Variants in C10orf90 observed in about 807,000 individuals in gnomAD.
C10orf90 encodes the protein (E2-independent) E3 ubiquitin-conjugating enzyme FATS.
C10orf90 carries 56 observed loss-of-function variants against 62.5 expected under a neutral mutation model. That is an observed-to-expected ratio of 0.90 (90% CI 0.72 to 1.12). C10orf90 has a LOEUF of 1.12. Among genes scored for constraint, C10orf90 ranks in the 50% most tolerant of loss-of-function variants. The pLI is 0.00. For missense variants in C10orf90, 970 were observed against 880.4 expected, an observed-to-expected ratio of 1.10 and a Z score of -1.29; for synonymous variants, 386 against 340.4, an observed-to-expected ratio of 1.13 and a Z score of -1.47.
At chr10:126,492,307 C>G (rs1861809644) in intron 4 of C10orf90, among the ~76,000 whole-genome samples, 1 of 152,144 alleles carries the variant, frequency 6.6e-6, no homozygotes, top group Non-Finnish European at 1.5e-5. Context: ...TGCCAAGCAT[C>G]CTTCAGTGAA....
intron 2 of C10orf90, among the ~76,000 whole-genome samples, chr10:126,610,217 A>G (rs114119476): frequency 0.013 from 1,977 of 152,248 alleles, 36 homozygotes; most frequent in African/African-American, 0.044. Flanking sequence ...ACCACAGTAG[A>G]ATATAGGATG....
At chr10:126,633,706 C>A (rs1408316163) in intron 2 of C10orf90, among the ~76,000 whole-genome samples, 2 of 152,182 alleles carry the variant, frequency 1.3e-5, no homozygotes, top group African/African-American at 4.8e-5. Context: ...TCTGTGAGAC[C>A]CACCCCAGTG....
chr10:126,509,883 A>G (rs950741904), intron 3 of C10orf90, among the ~76,000 whole-genome samples: 2 of 152,216 alleles, frequency 1.3e-5, no homozygotes, highest in Non-Finnish European at 2.9e-5. Flanking sequence ...CCATAGCACC[A>G]AAGTACTACA....
intron 3 of C10orf90, among the ~76,000 whole-genome samples, chr10:126,505,957 T>TCA (rs953808319): frequency 1.3e-5 from 2 of 152,074 alleles, no homozygotes; most frequent in African/African-American, 4.8e-5. Flanking sequence ...TTCGTCTCTC[T>TCA]CACACACACA....
chr10:126,440,605 C>T (rs1293597069), intron 7 of C10orf90, among the ~76,000 whole-genome samples: 1 of 152,138 alleles, frequency 6.6e-6, no homozygotes, highest in Non-Finnish European at 1.5e-5. Context: ...GAGTATTAAA[C>T]CACCAAAGCT....
intron 4 of C10orf90, among the ~76,000 whole-genome samples, chr10:126,474,609 T>C (rs1454270392): frequency 6.6e-6 from 1 of 152,196 alleles, no homozygotes; most frequent in African/African-American, 2.4e-5. Context: ...ATACATATCT[T>C]GGAAAGAAAT....
chr10:126,580,577 T>C (rs1223544413), intron 2 of C10orf90, among the ~76,000 whole-genome samples: 2 of 147,822 alleles, frequency 1.4e-5, no homozygotes, highest in South Asian at 2.2e-4. Flanking sequence ...GGCGTGAACC[T>C]GGGAGGCGGA....
intron 2 of C10orf90, among the ~76,000 whole-genome samples, chr10:126,597,029 A>G (rs1020155966): frequency 2.0e-5 from 3 of 152,244 alleles, no homozygotes; most frequent in Admixed American, 6.5e-5. Context: ...ATAATGGCTT[A>G]TACTAAAAAT....
intron 7 of C10orf90, among the ~76,000 whole-genome samples, chr10:126,434,781 G>A (rs1050590366): frequency 1.3e-5 from 2 of 152,144 alleles, no homozygotes; most frequent in Non-Finnish European, 2.9e-5. Context: ...GGTCTCTGCC[G>A]CCGGCCGTTA....
intron 5 of C10orf90, chr10:126,463,489 C>G (rs916127592): frequency 6.6e-6 from 1 of 152,404 alleles, no homozygotes; most frequent in African/African-American, 2.4e-5. Context: ...TTTAGAAAGG[C>G]CTTCCAACCT....
At chr10:126,638,420 CCA>C (rs1388259312) in intron 2 of C10orf90, among the ~76,000 whole-genome samples, 1 of 152,156 alleles carries the variant, frequency 6.6e-6, no homozygotes, top group African/African-American at 2.4e-5. Context: ...TGGTTGGTGT[CCA>C]CACTTGCCTC....
chr10:126,565,438 A>ATTATATAATAATATATATTATATATAT (rs1491320031), intron 2 of C10orf90, among the ~76,000 whole-genome samples: 2 of 51,462 alleles, frequency 3.9e-5, no homozygotes, highest in South Asian at 4.4e-4. Flanking sequence ...TATATATTAT[A>ATTATATAATAATATATATTATATATAT]CACACACACA....
chr10:126,646,734 C>T (rs1846180633), intron 1 of C10orf90, 97 bp from the exon 2 acceptor site: 1 of 283,810 alleles, frequency 3.5e-6, no homozygotes, highest in South Asian at 3.2e-5. Flanking sequence ...CAGGAACATC[C>T]TGGAATTTCT....
At chr10:126,583,749 A>G (rs927758282) in intron 2 of C10orf90, among the ~76,000 whole-genome samples, 1 of 152,186 alleles carries the variant, frequency 6.6e-6, no homozygotes, top group African/African-American at 2.4e-5. Flanking sequence ...ATACTTTCCC[A>G]GAAGGCTGTC....
chr10:126,511,241 T>C (rs978611431), intron 3 of C10orf90, among the ~76,000 whole-genome samples: 2 of 152,226 alleles, frequency 1.3e-5, no homozygotes, highest in Non-Finnish European at 2.9e-5. Flanking sequence ...TCTGAGCTTT[T>C]CTCACTCTCC....
chr10:126,498,283 C>A (rs1342251852), intron 4 of C10orf90, among the ~76,000 whole-genome samples: 1 of 152,142 alleles, frequency 6.6e-6, no homozygotes, highest in Non-Finnish European at 1.5e-5. Flanking sequence ...GTTGATCTAC[C>A]CTGAACACAT....
At chr10:126,574,275 A>G (rs1253853367) in intron 2 of C10orf90, among the ~76,000 whole-genome samples, 2 of 152,202 alleles carry the variant, frequency 1.3e-5, no homozygotes, top group Non-Finnish European at 2.9e-5. Flanking sequence ...ATGTGAGACA[A>G]AAGATAAATT....
At chr10:126,612,857 C>T (rs1014183829) in intron 2 of C10orf90, among the ~76,000 whole-genome samples, 1 of 152,092 alleles carries the variant, frequency 6.6e-6, no homozygotes. Context: ...TAAAAATTAG[C>T]GGCCAATTAA....
intron 2 of C10orf90, among the ~76,000 whole-genome samples, chr10:126,518,498 A>T (rs572473000): frequency 1.3e-5 from 2 of 152,294 alleles, no homozygotes; most frequent in Non-Finnish European, 2.9e-5. Flanking sequence ...GGGCATGGGA[A>T]TCTCAATGAG....
Sources: gnomAD v4.1 joint callset for allele counts (sites outside exome capture counted in the v4.1 genomes callset) on GRCh38, gnomAD v4.1.1 for gene constraint, MANE v1.5 for transcripts, NCBI Gene and HGNC (gene_info 2026-07-23, HGNC 2026-07-21) for gene names.